The following KALRN variants were observed in gnomAD, a reference collection of about 807,000 sequenced individuals.
KALRN encodes the protein kalirin.
Under a neutral mutation model 353.7 loss-of-function variants are expected in KALRN, and 70 were observed. The ratio of observed to expected loss-of-function variants is 0.20; its 90% CI spans 0.16 to 0.24. The LOEUF (loss-of-function observed/expected upper bound fraction) is 0.24. KALRN is among the 10% of genes least tolerant of loss of function. KALRN has a pLI of 1.00. For synonymous variants in KALRN, 1,391 were observed against 1,434.8 expected, an observed-to-expected ratio of 0.97 and a Z score of 0.69; for missense variants, 2,791 against 3,756.7, an observed-to-expected ratio of 0.74 and a Z score of 6.72.
At chr3:124,108,321 A>AT (rs2062512274) in intron 1 of KALRN, among the ~76,000 whole-genome samples, 1 of 152,194 alleles carries the variant, frequency 6.6e-6, no homozygotes, top group South Asian at 2.1e-4. Context: ...GCAGATAGTC[A>AT]TGTTAATATC....
chr3:124,425,785 C>T (rs1172598143), intron 15 of KALRN, among the ~76,000 whole-genome samples: 2 of 152,154 alleles, frequency 1.3e-5, no homozygotes, highest in Admixed American at 1.3e-4. Flanking sequence ...TATTCTCCAA[C>T]TACACATCCT....
intron 1 of KALRN, among the ~76,000 whole-genome samples, chr3:124,066,203 A>G (rs546833828): frequency 2.0e-5 from 3 of 152,336 alleles, no homozygotes; most frequent in Admixed American, 2.0e-4. Flanking sequence ...AGTTCTAGCC[A>G]TTATGATTTT....
chr3:124,546,006 T>C (rs1243495914), intron 33 of KALRN, among the ~76,000 whole-genome samples: 2 of 152,142 alleles, frequency 1.3e-5, no homozygotes, highest in Non-Finnish European at 2.9e-5. Flanking sequence ...GTTCCCTTAA[T>C]ATAAACAGAA....
chr3:124,074,206 T>C (rs1235310115), intron 1 of KALRN, among the ~76,000 whole-genome samples: 1 of 152,238 alleles, frequency 6.6e-6, no homozygotes, highest in Non-Finnish European at 1.5e-5. Flanking sequence ...GTAACAAAAA[T>C]AGAAGGAATG....
chr3:124,134,344 C>T (rs1422236304), intron 1 of KALRN, among the ~76,000 whole-genome samples: 5 of 152,184 alleles, frequency 3.3e-5, no homozygotes, highest in African/African-American at 1.2e-4. Context: ...AAGAATGAAA[C>T]TGGATCCTCA....
chr3:124,110,468 C>CGT lies in KALRN; in HGVS notation c.73+76656_73+76657insTG, dbSNP rs1276035353. On this transcript the variant is annotated intron_variant, in intron 1 of 59. Coordinates refer to ENST00000682506, the MANE Select transcript of KALRN (RefSeq NM_001388419.1). The stretch of plus-strand genomic sequence containing the variant: ...TATATATTTCATATATACACACGCG[C>CGT]GCACACACACACACACACACACACA... 4.0e-4 allele frequency among the ~76,000 whole-genome samples: 30 copies of CGT among 75,540 alleles called. 1 individual carries two copies. Among genetic ancestry groups the CGT allele is most frequent in the South Asian group, 1.2e-3 (2 of 1,686 alleles). The allele number at this position is 75,540 out of a possible 152,430, so 49.6% of individuals were successfully genotyped here.
At chr3:124,237,699 T>C (rs2079956459) in intron 3 of KALRN, among the ~76,000 whole-genome samples, 1 of 152,180 alleles carries the variant, frequency 6.6e-6, no homozygotes. Context: ...ATTTATTCAT[T>C]ATGTAGTCAA....
intron 10 of KALRN, among the ~76,000 whole-genome samples, chr3:124,349,803 A>T (rs183346286): frequency 6.6e-6 from 1 of 152,194 alleles, no homozygotes; most frequent in Non-Finnish European, 1.5e-5. Flanking sequence ...CACAGGTCCC[A>T]ATGCACCTTA....
At chr3:124,073,099 G>A (rs1178436450) in intron 1 of KALRN, among the ~76,000 whole-genome samples, 1 of 152,204 alleles carries the variant, frequency 6.6e-6, no homozygotes, top group Non-Finnish European at 1.5e-5. Context: ...AGCACTCCAG[G>A]GTCCTGTGGC....
intron 1 of KALRN, among the ~76,000 whole-genome samples, chr3:124,227,462 T>C (rs1193747): frequency 6.6e-6 from 1 of 152,086 alleles, no homozygotes; most frequent in Non-Finnish European, 1.5e-5. Flanking sequence ...GTTTGTAAAA[T>C]AAAGACTAAT....
At chr3:124,047,672 T>A (rs189785693) in intron 1 of KALRN, among the ~76,000 whole-genome samples, 2,797 of 150,798 alleles carry the variant, frequency 0.019, 86 homozygotes, top group African/African-American at 0.062. Context: ...TTTTTTTATT[T>A]TTTTTTATTT....
rs746481496 is a variant in KALRN at position 124,219,869 on chromosome 3, C to CCTCT, written c.74-8106_74-8103dup. Reference sequence around the variant, plus strand: ...TGGTTGCTGACATAAAGCTGCCCAGCCTCTCTCTCTCTCTCTCTGCCAGGT... The same window carrying CCTCT: ...TGGTTGCTGACATAAAGCTGCCCAGCCTCTCTCTCTCTCTCTCTCTCTGCCAGGT... On this transcript the variant is annotated intron_variant, in intron 1 of 59. Coordinates refer to ENST00000682506, the MANE Select transcript of KALRN (RefSeq NM_001388419.1). Among the ~76,000 whole-genome samples the CCTCT allele has an allele frequency of 3.4e-5, 5 of 146,646 alleles. No individual in the cohort carries two copies. In the Admixed American group the frequency reaches 3.4e-4, roughly 10 times the overall value.
intron 1 of KALRN, among the ~76,000 whole-genome samples, chr3:124,075,884 T>C (rs2060235900): frequency 1.3e-5 from 2 of 152,214 alleles, no homozygotes; most frequent in South Asian, 4.1e-4. Flanking sequence ...GAGCATGCTG[T>C]CTGAGTCAGG....
chr3:124,660,895 A>T, intron 43 of KALRN, 28 bp from the exon 44 acceptor site: 1 of 1,564,152 alleles, frequency 6.4e-7, no homozygotes, highest in Non-Finnish European at 8.8e-7. Flanking sequence ...CCCTTCCCAC[A>T]CTCTTGCCTG....
At chr3:124,437,028 G>A (rs2093488575) in intron 17 of KALRN, among the ~76,000 whole-genome samples, 2 of 150,842 alleles carry the variant, frequency 1.3e-5, no homozygotes, top group African/African-American at 2.4e-5. Context: ...TGGGACTGGA[G>A]AAGTCACCTC....
chr3:124,572,745 C>T (rs1243856941), intron 34 of KALRN, among the ~76,000 whole-genome samples: 1 of 152,162 alleles, frequency 6.6e-6, no homozygotes, highest in African/African-American at 2.4e-5. Context: ...GGCTTTACCT[C>T]GGTATGCAGT....
At chr3:124,275,749 A>G (rs563214271) in intron 5 of KALRN, among the ~76,000 whole-genome samples, 11 of 152,336 alleles carry the variant, frequency 7.2e-5, no homozygotes, top group African/African-American at 2.2e-4. Flanking sequence ...ATCATTTTCA[A>G]TTATCCTTAA....
chr3:124,041,016 A>T (rs73186206), intron 1 of KALRN, among the ~76,000 whole-genome samples: 10,027 of 152,228 alleles, frequency 0.066, 433 homozygotes, highest in Middle Eastern at 0.11. Context: ...TTGTTTGAAA[A>T]ATATTTATCA....
Position 124,456,628 on chromosome 3 carries a change from C to A in KALRN, c.3754C>A (p.Leu1252Met), listed in dbSNP as rs756566236. 3.7e-6 allele frequency: 6 copies of A among 1,612,290 alleles called. No homozygotes were observed. The change falls in exon 23 of 60, where the codon CTG (leucine) becomes ATG (methionine). Residue 1252 changes from leucine (L) to methionine (M), a missense_variant. Around this residue, in one of 11 missense-constraint regions of KALRN, gnomAD observed 268 missense variants for 347.0 expected, o/e 0.77. Coordinates refer to ENST00000682506, the MANE Select transcript of KALRN (RefSeq NM_001388419.1). The stretch of plus-strand genomic sequence containing the variant: ...TGTGCAGGATAATAAGGACCTGGAG[C>A]TGGATATTATCCCAGCAAGCCTTTC... ...VNTEDNKDLE[L>M]DIIPASLSDR...
Sources: allele counts gnomAD v4.1 joint callset (sites outside exome capture counted in the v4.1 genomes callset), GRCh38; gene constraint gnomAD v4.1.1; regional missense constraint gnomAD v4.1.1; transcripts MANE v1.5; gene names NCBI Gene and HGNC (gene_info 2026-07-23, HGNC 2026-07-21).